Variants in C19orf47 observed in about 807,000 individuals in gnomAD.
C19orf47 encodes the protein uncharacterized protein C19orf47.
C19orf47 carries 18 observed loss-of-function variants against 32.3 expected under a neutral mutation model. The ratio of observed to expected loss-of-function variants is 0.56; its 90% CI spans 0.39 to 0.83. The LOEUF is 0.83. Ranked by LOEUF, C19orf47 falls within the 40% of genes least tolerant of loss-of-function variation. The pLI is 0.00. For synonymous variants in C19orf47, 202 were observed against 211.1 expected (o/e 0.96, Z 0.37); for missense variants, 484 against 531.6 (o/e 0.91, Z 0.88).
At chr19:40,335,973 G>A (rs11668006) in intron 4 of C19orf47, 137 bp downstream of exon 4, 56,447 of 707,164 alleles carry the variant, frequency 0.08, 3,087 homozygotes, top group African/African-American at 0.23. Context: ...TGTGCCCAGC[G>A]TCACACAGCA....
chr19:40,298,464 C>T, the C19orf47 span, among the ~76,000 whole-genome samples: 1 of 152,104 alleles, frequency 6.6e-6, no homozygotes, highest in Non-Finnish European at 1.5e-5. Context: ...TTGCTGAACA[C>T]AGACACAAGT....
chr19:40,307,510 T>C, the C19orf47 span, among the ~76,000 whole-genome samples: 1 of 152,148 alleles, frequency 6.6e-6, no homozygotes, highest in African/African-American at 2.4e-5. Flanking sequence ...GGGATCCTCT[T>C]GCCTTAGCCT....
chr19:40,344,935 A>G (rs978521684), intron 1 of C19orf47, among the ~76,000 whole-genome samples: 5 of 152,184 alleles, frequency 3.3e-5, no homozygotes, highest in African/African-American at 1.2e-4. Context: ...CTGTCATCCC[A>G]GCACTTTAGG....
intron 2 of C19orf47, among the ~76,000 whole-genome samples, chr19:40,337,348 T>C (rs1170906026): frequency 6.7e-6 from 1 of 149,802 alleles, no homozygotes; most frequent in Non-Finnish European, 1.5e-5. Flanking sequence ...CCACTAAACA[T>C]AGAGCCACAG....
chr19:40,328,452 C>A lies in C19orf47; in HGVS notation c.400G>T (p.Val134Leu). The A allele has an allele frequency of 6.2e-7, 1 of 1,612,890 alleles. No individual in the cohort carries two copies. The highest frequency in any genetic ancestry group is 1.7e-4 in the Middle Eastern group (1 of 6,052). The change falls in exon 6 of 9, where the codon GTG becomes TTG. Residue 134 changes from valine to leucine, a missense_variant. Transcript: ENST00000683109. ...DTSTSKISVT[V>L]SNKMAAKSAK... ...CTCTTTGCTGCCATCTTGTTGGACA[C>A]AGTGACCGAGATCTTGGAGGTGCTG...
chr19:40,303,905 A>G, the C19orf47 span, among the ~76,000 whole-genome samples: 7 of 151,912 alleles, frequency 4.6e-5, no homozygotes, highest in East Asian at 9.6e-4. Flanking sequence ...CCCTACTCCA[A>G]CTGAAAATGC....
intron 8 of C19orf47, among the ~76,000 whole-genome samples, chr19:40,323,542 G>A (rs2077765172): frequency 6.6e-6 from 1 of 152,210 alleles, no homozygotes; most frequent in African/African-American, 2.4e-5. Context: ...GCCCTGTCCT[G>A]TGGGCCGCAC....
At chr19:40,342,652 G>GA (rs1428621901) in intron 1 of C19orf47, among the ~76,000 whole-genome samples, 1 of 152,182 alleles carries the variant, frequency 6.6e-6, no homozygotes, top group Non-Finnish European at 1.5e-5. Flanking sequence ...GAGGACCTGG[G>GA]AAGGGAGGGG....
intron 1 of C19orf47, among the ~76,000 whole-genome samples, chr19:40,345,658 A>G (rs946098593): frequency 2.6e-5 from 4 of 151,044 alleles, no homozygotes; most frequent in Admixed American, 6.6e-5. Flanking sequence ...CCTGGCCAAT[A>G]TGGTGAAACC....
chr19:40,312,360 A>G, the C19orf47 span, among the ~76,000 whole-genome samples: 2 of 152,096 alleles, frequency 1.3e-5, no homozygotes, highest in African/African-American at 4.8e-5. Context: ...CCTGGCCAAT[A>G]TGGTGAAACC....
chr19:40,301,466 C>T, the C19orf47 span, among the ~76,000 whole-genome samples: 1 of 150,660 alleles, frequency 6.6e-6, no homozygotes, highest in Non-Finnish European at 1.5e-5. Context: ...CTCAGCCTCC[C>T]GAGTAGCTGG....
At chr19:40,309,467 G>A in the C19orf47 span, among the ~76,000 whole-genome samples, 1 of 152,060 alleles carries the variant, frequency 6.6e-6, no homozygotes, top group African/African-American at 2.4e-5. Flanking sequence ...GGGATTACAG[G>A]CGGGAGCCAC....
intron 2 of C19orf47, 107 bp from the exon 3 acceptor site, chr19:40,336,514 C>A: frequency 1.0e-6 from 1 of 978,148 alleles, no homozygotes; most frequent in Non-Finnish European, 1.6e-6. Flanking sequence ...CATCATATGC[C>A]AGGCCCTGCA....
chr19:40,321,463 G>T lies in C19orf47; in HGVS notation c.*419C>A. 3.0e-6 allele frequency: 3 copies of T among 1,011,954 alleles called. No homozygotes were observed. The highest frequency in any genetic ancestry group is 5.3e-5 in the Admixed American group (1 of 18,914). 62.7% of individuals were successfully genotyped at this position (1,011,954 alleles called of 1,614,324 possible). ...GGAGTGAGGGAGGTCAGTGGGGAGT[G>T]GGGGAAGGGAGGCCCACCAGGTGAC... is the stretch of plus-strand genomic sequence containing the variant. On this transcript the variant is annotated 3_prime_UTR_variant, in exon 9 of 9. Transcript: ENST00000683109.
At chr19:40,326,520 T>G in intron 6 of C19orf47, 34 bp from the exon 7 acceptor site, 1 of 1,602,698 alleles carries the variant, frequency 6.2e-7, no homozygotes, top group East Asian at 2.2e-5. Context: ...CAGCACTCTC[T>G]GAGACAGAAC....
At chr19:40,294,818 C>T in the C19orf47 span, among the ~76,000 whole-genome samples, 202 of 152,332 alleles carry the variant, frequency 1.3e-3, no homozygotes, top group Non-Finnish European at 2.2e-3. Context: ...TTTGTCCACT[C>T]GTGCCAGCTC....
Position 40,348,364 on chromosome 19 carries a change from C to T in C19orf47, c.-74G>A, listed in dbSNP as rs1381481834. On this transcript the variant is annotated 5_prime_UTR_variant, in exon 1 of 9. Coordinates refer to ENST00000683109, the MANE Select transcript of C19orf47 (RefSeq NM_001256441.2). ...CGCGCCCACTCGCGCCGCCCGCCCT[C>T]CCTCCCGGCGGCGCCAACTGTCAGA... 1 of 1,403,226 alleles carries T rather than the reference C, an allele frequency of 7.1e-7. No homozygotes were observed. The highest frequency in any genetic ancestry group is 3.1e-5 in the Admixed American group (1 of 32,286). The allele number at this position is 1,403,226 out of a possible 1,614,324, so 86.9% of individuals were successfully genotyped here.
chr19:40,328,668 G>T, intron 5 of C19orf47, 118 bp from the exon 6 acceptor site: 2 of 1,343,138 alleles, frequency 1.5e-6, no homozygotes, highest in Non-Finnish European at 2.0e-6. Context: ...AAGGTCAGCG[G>T]GTATCACCCT....
chr19:40,333,024 G>A (rs915777675), intron 5 of C19orf47, among the ~76,000 whole-genome samples: 11 of 152,130 alleles, frequency 7.2e-5, no homozygotes, highest in Admixed American at 3.3e-4. Context: ...TTGGGAGGCC[G>A]AAGCAGGCAG....
Sources: gnomAD v4.1 joint callset for allele counts (sites outside exome capture counted in the v4.1 genomes callset) on GRCh38, gnomAD v4.1.1 for gene constraint, MANE v1.5 for transcripts, NCBI Gene and HGNC (gene_info 2026-07-23, HGNC 2026-07-21) for gene names.